The following KCTD1 variants were observed in gnomAD, a reference collection of about 807,000 sequenced individuals.
KCTD1 encodes the protein BTB/POZ domain-containing protein KCTD1.
Under a neutral mutation model 66.0 loss-of-function variants are expected in KCTD1, and 24 were observed. The ratio of observed to expected loss-of-function variants is 0.36; its 90% CI spans 0.26 to 0.51. The LOEUF (loss-of-function observed/expected upper bound fraction) is 0.51, where lower values mean the gene tolerates loss of function less well. KCTD1 is among the 20% of genes least tolerant of loss of function. The pLI, the probability that KCTD1 is intolerant of heterozygous loss-of-function variation, is 0.95. For missense variants in KCTD1, 943 were observed against 1,205.2 expected (o/e 0.78, Z 3.22); for synonymous variants, 511 against 517.2 (o/e 0.99, Z 0.16).
Position 26,455,496 on chromosome 18 carries a change from T to C in KCTD1, c.*247A>G, listed in dbSNP as rs1405819449. 3 of 218,218 alleles carry C rather than the reference T, an allele frequency of 1.4e-5. No individual in the cohort carries two copies. The highest frequency in any genetic ancestry group is 2.6e-5 in the Non-Finnish European group (3 of 116,006). 13.5% of individuals were successfully genotyped at this position (218,218 alleles called of 1,614,324 possible). A position where few individuals can be genotyped will look rare whatever the true frequency, so the allele number is the denominator to read the frequency against. ...CTGCGGCTGTCACCTTTTTTTTTTT[T>C]CTTTTTTGCATTTCCTACCTTTTGA... On this transcript the variant is annotated 3_prime_UTR_variant, in exon 5 of 5. Transcript: ENST00000580059.
At chr18:26,643,447 G>T (rs765250061), upstream of KCTD1, among the ~76,000 whole-genome samples, 16 of 152,200 alleles carry the variant, frequency 1.1e-4, no homozygotes, top group Non-Finnish European at 1.8e-4. Flanking sequence ...AGACAGGAAA[G>T]ACAAGATGTT....
At position 26,548,188 on chromosome 18, in the gene KCTD1, G is replaced by A. The variant is rs751431770; in HGVS notation, c.349C>T (p.Pro117Ser). ...ATATTGATCATATGGACCGGCTCGG[G>A]CTCCAGCTCCTCCCCGGCCGAGTCC... ...PEDSAGEELE[P>S]EPVHMINMDQ... The change falls in exon 1 of 5, where the codon CCC becomes TCC. Residue 117 changes from proline to serine, a missense_variant. Pro to Ser is a moderately conservative substitution (Grantham distance 74). This residue lies in a region of KCTD1 where 236 missense variants were observed against 206.6 expected (regional missense o/e 1.14). Coordinates refer to ENST00000580059, the MANE Select transcript of KCTD1 (RefSeq NM_001142730.3). The A allele has an allele frequency of 4.3e-5, 64 of 1,500,450 alleles. No homozygotes were observed. In the South Asian group the frequency reaches 7.4e-4, roughly 17 times the overall value. The allele number at this position is 1,500,450 out of a possible 1,614,324, so 92.9% of individuals were successfully genotyped here. A position where few individuals can be genotyped will look rare whatever the true frequency, so the allele number is the denominator to read the frequency against.
chr18:26,642,360 C>A (rs144606831), upstream of KCTD1, among the ~76,000 whole-genome samples: 91 of 152,228 alleles, frequency 6.0e-4, no homozygotes, highest in Non-Finnish European at 1.1e-3. Context: ...GCCTCTCGGG[C>A]GTGTCCTGTG....
intron 2 of KCTD1, among the ~76,000 whole-genome samples, chr18:26,477,281 T>C (rs958921356): frequency 6.6e-6 from 1 of 152,194 alleles, no homozygotes; most frequent in Non-Finnish European, 1.5e-5. Context: ...CAAAAAAAAT[T>C]TGGCCACCCC....
Position 26,548,322 on chromosome 18 carries a change from G to T in KCTD1, c.215C>A (p.Thr72Lys). The T allele has an allele frequency of 6.7e-7, 1 of 1,487,976 alleles. No homozygotes were observed. Among genetic ancestry groups the T allele is most frequent in the South Asian group, 1.3e-5 (1 of 77,696 alleles). 92.2% of individuals were successfully genotyped at this position (1,487,976 alleles called of 1,614,324 possible). A position where few individuals can be genotyped will look rare whatever the true frequency, so the allele number is the denominator to read the frequency against. Residue 72 changes from threonine (T) to lysine (K), a missense_variant, in exon 1 of 5, where the codon ACG becomes AAG. Physicochemically the swap from Thr to Lys is moderately conservative, Grantham distance 78. This residue lies in a region of KCTD1 where 236 missense variants were observed against 206.6 expected (regional missense o/e 1.14). Transcript: ENST00000580059. Reference sequence around the variant, plus strand: ...GTCCTCCTCCTCCTCCTCGTCCCCCGTTATCTGCACCTCCTGGATCTCGTC... The same window carrying T: ...GTCCTCCTCCTCCTCCTCGTCCCCCTTTATCTGCACCTCCTGGATCTCGTC... ...EEDEIQEVQI[T>K]GDEEEEEDGG...
In KCTD1 at chr18:26,455,811, G is replaced by A. The variant is rs1456643085; in HGVS notation, c.2530C>T (p.Arg844Trp). 1.4e-5 allele frequency: 23 copies of A among 1,614,054 alleles called. No individual in the cohort carries two copies. Among genetic ancestry groups the A allele is most frequent in the Non-Finnish European group, 1.9e-5 (22 of 1,180,044 alleles). Residue 844 changes from arginine to tryptophan, a missense_variant, in exon 5 of 5, where the codon CGG (arginine) becomes TGG (tryptophan). Physicochemically the swap from Arg to Trp is moderately radical, Grantham distance 101. Coordinates refer to ENST00000580059, the MANE Select transcript of KCTD1 (RefSeq NM_001142730.3). ...DSSQFSEYVL[R>W]RELRRTPRVP... ...CGGGGCGTCCGCCTCAGTTCCCGCCGAAGGACGTATTCGCTGAACTGGGAC... is the reference window on the plus strand; with the variant it reads ...CGGGGCGTCCGCCTCAGTTCCCGCCAAAGGACGTATTCGCTGAACTGGGAC...
intron 3 of KCTD1, among the ~76,000 whole-genome samples, chr18:26,471,565 A>G (rs1437876122): frequency 1.3e-5 from 2 of 151,970 alleles, no homozygotes; most frequent in African/African-American, 4.8e-5. Context: ...ATGGGGTAGG[A>G]TGGTGGCAGG....
chr18:26,491,004 C>T (rs1271696164), intron 2 of KCTD1, among the ~76,000 whole-genome samples: 6 of 152,096 alleles, frequency 3.9e-5, no homozygotes, highest in East Asian at 1.9e-4. Flanking sequence ...CCGCCCACCT[C>T]GGCCTCCCAA....
intron 1 of KCTD1, among the ~76,000 whole-genome samples, chr18:26,520,276 T>A (rs1051045917): frequency 1.3e-5 from 2 of 152,162 alleles, no homozygotes; most frequent in Non-Finnish European, 2.9e-5. Flanking sequence ...CACACACACA[T>A]GTGCTGGCTA....
chr18:26,604,483 A>C (rs1399791310), intron 1 of KCTD1, among the ~76,000 whole-genome samples: 1 of 152,250 alleles, frequency 6.6e-6, no homozygotes, highest in Non-Finnish European at 1.5e-5. Context: ...AGGACTATTC[A>C]CAATAGCAGG....
upstream of KCTD1, among the ~76,000 whole-genome samples, chr18:26,633,322 C>T (rs955577570): frequency 6.6e-6 from 1 of 152,028 alleles, no homozygotes; most frequent in African/African-American, 2.4e-5. Context: ...ATACATTCCC[C>T]AGAGAGTAAA....
chr18:26,513,623 C>T (rs1254311153), intron 1 of KCTD1, among the ~76,000 whole-genome samples: 1 of 152,218 alleles, frequency 6.6e-6, no homozygotes, highest in Non-Finnish European at 1.5e-5. Flanking sequence ...GTGGCCTTGG[C>T]AAATTCTTTT....
In KCTD1 at chr18:26,476,771, G is replaced by A. The variant is rs1055916925; in HGVS notation, c.1989-112C>T. On this transcript the variant is annotated intron_variant, in intron 2 of 4. Coordinates refer to ENST00000580059, the MANE Select transcript of KCTD1 (RefSeq NM_001142730.3). This position sits in a 1 kb window ranked among gnomAD's most constrained non-coding sequence, Gnocchi z 4.9. ...GGTAGCACTTTTGAAGATGGCAGTA[G>A]GGAAAAATTACGATTGTCTGCAAAG... is the stretch of plus-strand genomic sequence containing the variant. The A allele has an allele frequency of 4.4e-6, 4 of 902,034 alleles. No homozygotes were observed. The highest frequency in any genetic ancestry group is 6.9e-6 in the Non-Finnish European group (4 of 583,274). The allele number at this position is 902,034 out of a possible 1,614,324, so 55.9% of individuals were successfully genotyped here. A position where few individuals can be genotyped will look rare whatever the true frequency, so the allele number is the denominator to read the frequency against.
chr18:26,599,853 A>C (rs1986849434), intron 1 of KCTD1: 6 of 1,554,976 alleles, frequency 3.9e-6, no homozygotes, highest in Non-Finnish European at 5.3e-6. Flanking sequence ...TTGGTCATGA[A>C]AGTGACAGCC....
At chr18:26,565,536 A>C (rs1337278811) in intron 1 of KCTD1, among the ~76,000 whole-genome samples, 1 of 152,210 alleles carries the variant, frequency 6.6e-6, no homozygotes, top group Non-Finnish European at 1.5e-5. Flanking sequence ...CCTGCAAGAA[A>C]GAAACTTGTC....
chr18:26,540,037 C>T (rs1012860239), intron 1 of KCTD1, among the ~76,000 whole-genome samples: 3 of 152,074 alleles, frequency 2.0e-5, no homozygotes, highest in African/African-American at 7.2e-5. Context: ...AGTGAAAGGG[C>T]CCAAATGGGA....
intron 1 of KCTD1, among the ~76,000 whole-genome samples, chr18:26,530,148 A>G (rs1984366900): frequency 6.6e-6 from 1 of 152,166 alleles, no homozygotes; most frequent in South Asian, 2.1e-4. Flanking sequence ...GTATGTCTAG[A>G]GTTCTTTTTA....
At chr18:26,610,153 A>G (rs1179201180) in intron 1 of KCTD1, among the ~76,000 whole-genome samples, 1 of 152,110 alleles carries the variant, frequency 6.6e-6, no homozygotes, top group Non-Finnish European at 1.5e-5. Flanking sequence ...ACTTTGAGTT[A>G]CTTTTTTTTT....
At chr18:26,621,984 C>T (rs1054521562) in intron 1 of KCTD1, among the ~76,000 whole-genome samples, 16 of 152,236 alleles carry the variant, frequency 1.1e-4, no homozygotes, top group Admixed American at 8.5e-4. Context: ...AATGAAAGGG[C>T]GCTGAACTGG....
Sources: gnomAD v4.1 joint callset for allele counts (sites outside exome capture counted in the v4.1 genomes callset) on GRCh38, gnomAD v4.1.1 for gene constraint, gnomAD v4.1.1 regional missense constraint, Gnocchi (gnomAD v3.1) non-coding constraint, MANE v1.5 for transcripts, NCBI Gene and HGNC (gene_info 2026-07-23, HGNC 2026-07-21) for gene names.